The following ECD variants were observed in gnomAD, a reference collection of about 807,000 sequenced individuals.
ECD encodes protein ecdysoneless homolog.
In ECD, 59 loss-of-function variants were observed where a neutral mutation model predicts 77.2. That is an observed-to-expected ratio of 0.76 (90% confidence interval 0.62 to 0.95). ECD has a LOEUF of 0.95. Among genes scored for constraint, ECD ranks in the 40% least tolerant of loss-of-function variants. The pLI is 0.00. For synonymous variants in ECD, 233 were observed against 267.4 expected (o/e 0.87, Z 1.26); for missense variants, 704 against 763.4 (o/e 0.92, Z 0.92).
At chr10:73,164,546 C>T (rs1843426660) in intron 1 of ECD, among the ~76,000 whole-genome samples, 1 of 151,928 alleles carries the variant, frequency 6.6e-6, no homozygotes, top group African/African-American at 2.4e-5. Flanking sequence ...CAGCTCATTG[C>T]AACCTCCACC....
intron 9 of ECD, among the ~76,000 whole-genome samples, chr10:73,140,465 G>A (rs1276029354): frequency 3.3e-5 from 5 of 151,498 alleles, no homozygotes; most frequent in Non-Finnish European, 7.4e-5. Flanking sequence ...AAGGCGGGGA[G>A]ATCACTTGAG....
At chr10:73,139,610 G>A in intron 10 of ECD, 21 bp downstream of exon 10, 1 of 1,587,796 alleles carries the variant, frequency 6.3e-7, no homozygotes, top group Admixed American at 1.8e-5. Flanking sequence ...CCCTTCCACT[G>A]TATCCTGGTC....
At chr10:73,156,141 G>A (rs1843292197) in intron 5 of ECD, 134 bp downstream of exon 5, 2 of 637,112 alleles carry the variant, frequency 3.1e-6, no homozygotes, top group South Asian at 7.7e-5. Flanking sequence ...CTAGGTGAAA[G>A]GTATTTTATA....
chr10:73,134,633 G>T lies in ECD; in HGVS notation c.1885C>A (p.Leu629Met). The T allele has an allele frequency of 6.2e-7, 1 of 1,614,202 alleles. No homozygotes were observed. The highest frequency in any genetic ancestry group is 1.7e-5 in the Admixed American group (1 of 60,018). The change falls in exon 14 of 14, where the codon CTG becomes ATG. Residue 629 changes from leucine (L) to methionine (M), a missense_variant. Coordinates refer to ENST00000372979, the MANE Select transcript of ECD (RefSeq NM_007265.3). ...SNLLQSMGVQ[L>M]PDNTDHRPTS... ...GGTCTGTGATCGGTGTTGTCAGGCA[G>T]CTGCACTCCCATGCTTTGTAAAAGA...
At chr10:73,164,047 T>C (rs1843417414) in intron 1 of ECD, 97 bp from the exon 2 acceptor site, 1 of 1,109,426 alleles carries the variant, frequency 9.0e-7, no homozygotes, top group Non-Finnish European at 1.3e-6. Context: ...TTTCTAAAAT[T>C]TAGTTAGGCC....
Position 73,134,484 on chromosome 10 carries a change from G to A in ECD, c.*99C>T, listed in dbSNP as rs1485635497. ...GAAGTCAATCTGTAAAACTTGTAAT[G>A]AAGAAACATTTTTACTAAATGAGTA... On this transcript the variant is annotated 3_prime_UTR_variant, in exon 14 of 14. Transcript: ENST00000372979. 6 of 1,184,158 alleles carry A rather than the reference G, an allele frequency of 5.1e-6. No homozygotes were observed. The highest frequency in any genetic ancestry group is 1.6e-5 in the African/African-American group (1 of 64,436). The allele number at this position is 1,184,158 out of a possible 1,614,324, so 73.4% of individuals were successfully genotyped here. A position where few individuals can be genotyped will look rare whatever the true frequency, so the allele number is the denominator to read the frequency against.
chr10:73,146,253 T>C (rs376203409), intron 9 of ECD, 23 bp downstream of exon 9: 11 of 1,370,276 alleles, frequency 8.0e-6, no homozygotes, highest in Non-Finnish European at 1.1e-5. Flanking sequence ...ATCTTTGTAG[T>C]AGGAGTCTTA....
chr10:73,158,271 T>G (rs532456060), intron 3 of ECD, among the ~76,000 whole-genome samples: 2 of 152,212 alleles, frequency 1.3e-5, no homozygotes, highest in African/African-American at 4.8e-5. Context: ...TACAATGTAT[T>G]GTGTTCTTGA....
At chr10:73,146,237 A>C in intron 9 of ECD, 39 bp downstream of exon 9, 1 of 1,130,906 alleles carries the variant, frequency 8.8e-7, no homozygotes, top group South Asian at 1.8e-5. Flanking sequence ...AACTACCTAA[A>C]TACCAATCTT....
At chr10:73,155,594 C>CATTTTTTT (rs1554850746) in intron 5 of ECD, among the ~76,000 whole-genome samples, 2 of 124,816 alleles carry the variant, frequency 1.6e-5, no homozygotes, top group African/African-American at 6.1e-5. Flanking sequence ...TAGGTTTCTA[C>CATTTTTTT]TTTTTTTTTT....
chr10:73,165,533 G>C (rs1180916350), intron 1 of ECD, among the ~76,000 whole-genome samples: 1 of 151,454 alleles, frequency 6.6e-6, no homozygotes, highest in Non-Finnish European at 1.5e-5. Flanking sequence ...TGTATTTTTA[G>C]TAGAGACGGG....
chr10:73,139,821 A>G (rs1293232420), intron 9 of ECD, 84 bp from the exon 10 acceptor site: 21 of 960,798 alleles, frequency 2.2e-5, no homozygotes, highest in Non-Finnish European at 3.2e-5. Flanking sequence ...TAAGGTTGGA[A>G]GGGATTAGCT....
At chr10:73,162,474 T>A (rs1012124513) in intron 2 of ECD, among the ~76,000 whole-genome samples, 1 of 152,230 alleles carries the variant, frequency 6.6e-6, no homozygotes, top group African/African-American at 2.4e-5. Flanking sequence ...TGGTTTTAGA[T>A]GTGCTACACC....
At chr10:73,139,788 G>T in intron 9 of ECD, 51 bp from the exon 10 acceptor site, 3 of 1,249,662 alleles carry the variant, frequency 2.4e-6, no homozygotes, top group Non-Finnish European at 2.3e-6. Flanking sequence ...ACATAGAATA[G>T]TAATCATAAA....
chr10:73,151,883 T>C (rs2133262224), intron 7 of ECD, among the ~76,000 whole-genome samples: 1 of 152,324 alleles, frequency 6.6e-6, no homozygotes, highest in East Asian at 1.9e-4. Flanking sequence ...AGTTTTTCTT[T>C]CCCGTGCAGA....
chr10:73,150,906 G>A (rs1403046618), intron 7 of ECD, among the ~76,000 whole-genome samples: 1 of 152,104 alleles, frequency 6.6e-6, no homozygotes, highest in African/African-American at 2.4e-5. Flanking sequence ...GGAGAAATAG[G>A]AACACTTTTA....
intron 1 of ECD, among the ~76,000 whole-genome samples, chr10:73,167,649 C>G (rs902738315): frequency 6.6e-6 from 1 of 152,120 alleles, no homozygotes; most frequent in Non-Finnish European, 1.5e-5. Context: ...CCCATCCACC[C>G]CATAACGCCA....
At chr10:73,158,482 T>TC (rs1322364633) in intron 3 of ECD, among the ~76,000 whole-genome samples, 6 of 152,238 alleles carry the variant, frequency 3.9e-5, no homozygotes, top group African/African-American at 1.4e-4. Context: ...ACACCTGTAA[T>TC]CCCAGCACTT....
chr10:73,142,371 T>C (rs974785985), intron 9 of ECD, among the ~76,000 whole-genome samples: 2 of 151,842 alleles, frequency 1.3e-5, no homozygotes, highest in Non-Finnish European at 2.9e-5. Flanking sequence ...AAAAATATTG[T>C]AGAGATGTAA....
Sources: gnomAD v4.1 joint callset for allele counts (sites outside exome capture counted in the v4.1 genomes callset) on GRCh38, gnomAD v4.1.1 for gene constraint, MANE v1.5 for transcripts, NCBI Gene and HGNC (gene_info 2026-07-23, HGNC 2026-07-21) for gene names.